ZNF202: variants seen among roughly 807,000 people sequenced by gnomAD.
ZNF202 encodes the protein zinc finger protein with KRAB and SCAN domains 10.
In ZNF202, 22 loss-of-function variants were observed where a neutral mutation model predicts 54.5. That is an observed-to-expected ratio of 0.40 (90% confidence interval 0.29 to 0.58). ZNF202 has a LOEUF of 0.58. Ranked by LOEUF, ZNF202 falls within the 20% of genes least tolerant of loss-of-function variation. The pLI is 0.39. For missense variants in ZNF202, 644 were observed against 805.5 expected (o/e 0.80, Z 2.43); for synonymous variants, 294 against 301.4 (o/e 0.98, Z 0.26).
Position 123,725,919 on chromosome 11 carries a change from G to GCTGACAAGAGGGCTTTTCCTCTTC in ZNF202, c.*54_*77dup. 6.7e-7 allele frequency: 1 copy of GCTGACAAGAGGGCTTTTCCTCTTC among 1,502,160 alleles called. No homozygotes were observed. 93.1% of individuals were successfully genotyped at this position (1,502,160 alleles called of 1,614,324 possible). On this transcript the variant is annotated 3_prime_UTR_variant, in exon 9 of 9. Coordinates refer to ENST00000530393, the MANE Select transcript of ZNF202 (RefSeq NM_003455.4). ...GACTCCCTCGAAAAGGTCTTCCCAGGCTGACAAGAGGGCTTTTCCTCTTCC... is the reference window on the plus strand; with the variant it reads ...GACTCCCTCGAAAAGGTCTTCCCAGGCTGACAAGAGGGCTTTTCCTCTTCCTGACAAGAGGGCTTTTCCTCTTCC...
chr11:123,737,122 G>C (rs1024491522), intron 3 of ZNF202, among the ~76,000 whole-genome samples: 2 of 151,982 alleles, frequency 1.3e-5, no homozygotes, highest in Non-Finnish European at 2.9e-5. Flanking sequence ...AGATGAGAAG[G>C]AACCTTAGAC....
chr11:123,735,916 C>G (rs945827717), intron 3 of ZNF202, among the ~76,000 whole-genome samples: 2 of 152,104 alleles, frequency 1.3e-5, no homozygotes, highest in African/African-American at 4.8e-5. Flanking sequence ...TGGAAGAGTT[C>G]CAGAGTAAGA....
rs1861354254 is a variant in ZNF202, at chr11:123,730,394, T to C, written c.402+93A>G. On this transcript the variant is annotated intron_variant, in intron 4 of 8. Transcript: ENST00000530393. The surrounding 1 kb of genome is among the most constrained non-coding windows in gnomAD (Gnocchi z 6.0). ...ACCCAAGGGCAGAGCCCACTAATAA[T>C]TTATGGGGATCCTGCAAGCTCTCCC... is the stretch of plus-strand genomic sequence containing the variant. 2 of 1,452,926 alleles carry C rather than the reference T, an allele frequency of 1.4e-6. No individual in the cohort carries two copies. Among genetic ancestry groups the C allele is most frequent in the Non-Finnish European group, 9.1e-7 (1 of 1,097,982 alleles). 90.0% of individuals were successfully genotyped at this position (1,452,926 alleles called of 1,614,324 possible). A position where few individuals can be genotyped will look rare whatever the true frequency, so the allele number is the denominator to read the frequency against.
intron 1 of ZNF202, among the ~76,000 whole-genome samples, 156 bp downstream of exon 1, chr11:123,741,393 G>A (rs920760964): frequency 1.3e-5 from 2 of 152,002 alleles, no homozygotes; most frequent in East Asian, 1.9e-4. Flanking sequence ...TCAGTACACC[G>A]CCGCCACCCC....
At chr11:123,736,504 G>C (rs140324543) in intron 3 of ZNF202, among the ~76,000 whole-genome samples, 137 of 152,316 alleles carry the variant, frequency 9.0e-4, no homozygotes, top group African/African-American at 3.3e-3. Context: ...TCCTCTCAGT[G>C]TTCTAGAATA....
At position 123,726,721 on chromosome 11, in the gene ZNF202, C is replaced by G; in HGVS notation, c.1223G>C (p.Cys408Ser). The G allele has an allele frequency of 6.2e-7, 1 of 1,614,210 alleles. No individual in the cohort carries two copies. The highest frequency in any genetic ancestry group is 8.5e-7 in the Non-Finnish European group (1 of 1,180,032). ...DCSVCGKSFT[C>S]NSHLVRHLRT... ...CAGGTGTCTAACAAGGTGGGAGTTA[C>G]AAGTGAAGCTCTTTCCACACACAGA... The change falls in exon 9 of 9, where the codon TGT becomes TCT. Residue 408 changes from cysteine (C) to serine (S), a missense_variant. Cys to Ser is a moderately radical substitution (Grantham distance 112). Transcript: ENST00000530393. This position sits in a 1 kb window ranked among gnomAD's most constrained non-coding sequence, Gnocchi z 6.0.
chr11:123,732,619 G>A lies in ZNF202; in HGVS notation c.-97-1634C>T, dbSNP rs551706398. Among the ~76,000 whole-genome samples the A allele has an allele frequency of 7.2e-5, 11 of 152,236 alleles. No homozygotes were observed. In the South Asian group the frequency reaches 2.3e-3, roughly 32 times the overall value. Reference sequence around the variant, plus strand: ...GAAATCACCTAAGTCCTCCCGTAGTGACCTGGGCACCTCTCTATCCCAGTA... The same window carrying A: ...GAAATCACCTAAGTCCTCCCGTAGTAACCTGGGCACCTCTCTATCCCAGTA... On this transcript the variant is annotated intron_variant, in intron 3 of 8. Coordinates refer to ENST00000530393, the MANE Select transcript of ZNF202 (RefSeq NM_003455.4).
chr11:123,733,308 T>C (rs1276769299), intron 3 of ZNF202, among the ~76,000 whole-genome samples: 2 of 152,218 alleles, frequency 1.3e-5, no homozygotes, highest in African/African-American at 4.8e-5. Context: ...ATTTTTTTCA[T>C]TACCCTCAGT....
rs1861084266 is a variant in ZNF202, at chr11:123,725,394, A to T, written c.*603T>A. On this transcript the variant is annotated 3_prime_UTR_variant, in exon 9 of 9. Coordinates refer to ENST00000530393, the MANE Select transcript of ZNF202 (RefSeq NM_003455.4). ...ACAAGGTCCACATGAAGCAGCCTTG[A>T]GATTTTTCGCCCACTTCCATTTCTC... The T allele has an allele frequency of 6.6e-6, 1 of 152,294 alleles. No homozygotes were observed. The highest frequency in any genetic ancestry group is 2.1e-4 in the South Asian group (1 of 4,834). The allele number at this position is 152,294 out of a possible 1,614,324, so 9.4% of individuals were successfully genotyped here. A position where few individuals can be genotyped will look rare whatever the true frequency, so the allele number is the denominator to read the frequency against.
chr11:123,736,204 CA>C (rs933457290), intron 3 of ZNF202, among the ~76,000 whole-genome samples: 1 of 152,162 alleles, frequency 6.6e-6, no homozygotes, highest in African/African-American at 2.4e-5. Context: ...GGCAATGAAA[CA>C]ATATCTAGTT....
chr11:123,732,310 CTTG>C (rs978507022), intron 3 of ZNF202, among the ~76,000 whole-genome samples: 7 of 152,178 alleles, frequency 4.6e-5, no homozygotes, highest in Non-Finnish European at 1.0e-4. Flanking sequence ...TCCCCGCTGT[CTTG>C]TTAAGTGAAA....
At chr11:123,737,646 C>CA (rs1187234241) in intron 3 of ZNF202, among the ~76,000 whole-genome samples, 5 of 151,040 alleles carry the variant, frequency 3.3e-5, no homozygotes, top group African/African-American at 1.2e-4. Flanking sequence ...AATGTAAACA[C>CA]AAAAATGAAA....
At chr11:123,727,418 C>T in intron 8 of ZNF202, 58 bp downstream of exon 8, 1 of 1,606,210 alleles carries the variant, frequency 6.2e-7, no homozygotes, top group South Asian at 1.1e-5. Context: ...GAGAGAGAAG[C>T]ACTGCCTAGA....
intron 3 of ZNF202, chr11:123,738,752 T>C (rs1219032010): frequency 6.6e-6 from 1 of 152,238 alleles, no homozygotes; most frequent in Admixed American, 6.5e-5. Flanking sequence ...TTTAGCTTTG[T>C]CATTAACACA....
In ZNF202 at chr11:123,726,633, G is replaced by A; in HGVS notation, c.1311C>T (p.Ser437=). 1 of 1,614,144 alleles carries A rather than the reference G, an allele frequency of 6.2e-7. No homozygotes were observed. The highest frequency in any genetic ancestry group is 1.7e-5 in the Admixed American group (1 of 60,028). The change falls in exon 9 of 9, where the codon AGC becomes AGT. Residue 437 remains serine, a synonymous_variant. Coordinates refer to ENST00000530393, the MANE Select transcript of ZNF202 (RefSeq NM_003455.4). The surrounding 1 kb of genome is among the most constrained non-coding windows in gnomAD (Gnocchi z 6.0). ...CCTTTTGGTGCCTGGCAAGATGTGA[G>A]CTTCGTGTGTAACTTTTTCCACATT... is the stretch of plus-strand genomic sequence containing the variant. ...CMECGKSYTR[S]SHLARHQKVH...
In ZNF202 at chr11:123,725,820, A is replaced by C; in HGVS notation, c.*177T>G. On this transcript the variant is annotated 3_prime_UTR_variant, in exon 9 of 9. Coordinates refer to ENST00000530393, the MANE Select transcript of ZNF202 (RefSeq NM_003455.4). ...GAAACATCCCCTCAAGGCGTAGAGG[A>C]AGGCTGAGAGGTTCTGCCCAGGCTC... 1 of 703,716 alleles carries C rather than the reference A, an allele frequency of 1.4e-6. No individual in the cohort carries two copies. Among genetic ancestry groups the C allele is most frequent in the Non-Finnish European group, 2.3e-6 (1 of 440,440 alleles). The allele number at this position is 703,716 out of a possible 1,614,324, so 43.6% of individuals were successfully genotyped here.
chr11:123,726,965 A>G lies in ZNF202; in HGVS notation c.979T>C (p.Cys327Arg), dbSNP rs1861176924. Residue 327 changes from cysteine to arginine, a missense_variant, in exon 9 of 9, where the codon TGT becomes CGT. Transcript: ENST00000530393. This position sits in a 1 kb window ranked among gnomAD's most constrained non-coding sequence, Gnocchi z 6.0. ...TGDRSKDEEE[C>R]LEQEDLSLED... ...AAACTCAGATCTTCCTGCTCCAGAC[A>G]CTCTTCCTCATCTTTACTCCTATCT... The G allele has an allele frequency of 3.1e-6, 5 of 1,612,918 alleles. No homozygotes were observed. Among genetic ancestry groups the G allele is most frequent in the Non-Finnish European group, 3.4e-6 (4 of 1,179,798 alleles).
rs184680886 is a variant in ZNF202, at chr11:123,736,664, A to G, written c.-98+3453T>C. 1.1e-3 allele frequency among the ~76,000 whole-genome samples: 173 copies of G among 152,334 alleles called. 2 individuals are homozygous for G. The highest frequency in any genetic ancestry group is 5.8e-3 in the East Asian group (30 of 5,180). On this transcript the variant is annotated intron_variant, in intron 3 of 8. Transcript: ENST00000530393. ...ACAAGCGCTTACCTAAGCTTTCCAC[A>G]TAATGGTTAGTGGCCTTGGCACGCT...
intron 3 of ZNF202, among the ~76,000 whole-genome samples, chr11:123,737,668 T>C (rs1861688204): frequency 8.8e-6 from 1 of 114,186 alleles, no homozygotes; most frequent in Non-Finnish European, 1.9e-5. Flanking sequence ...ATAAAAATTG[T>C]AACAATTCAC....
Sources: allele counts gnomAD v4.1 joint callset (sites outside exome capture counted in the v4.1 genomes callset), GRCh38; gene constraint gnomAD v4.1.1; non-coding constraint Gnocchi (gnomAD v3.1); transcripts MANE v1.5; gene names NCBI Gene and HGNC (gene_info 2026-07-23, HGNC 2026-07-21).